The following MYO16 variants were observed in gnomAD, a reference collection of about 807,000 sequenced individuals.
MYO16 encodes myosin XVI, also known as unconventional myosin-XVI.
MYO16 carries 94 observed loss-of-function variants against 205.3 expected under a neutral mutation model. That is an observed-to-expected ratio of 0.46 (90% CI 0.39 to 0.54). MYO16 has a LOEUF of 0.54. Among genes scored for constraint, MYO16 ranks in the 20% least tolerant of loss-of-function variants. The probability of loss-of-function intolerance (pLI) is 0.00; values close to 1 mark genes in which losing one functional copy is unlikely to be tolerated. For synonymous variants in MYO16, 988 were observed against 954.0 expected (o/e 1.04, Z -0.66); for missense variants, 2,315 against 2,387.5 (o/e 0.97, Z 0.63).
chr13:108,882,597 T>C (rs1431127667), intron 12 of MYO16, among the ~76,000 whole-genome samples: 1 of 152,212 alleles, frequency 6.6e-6, no homozygotes, highest in Non-Finnish European at 1.5e-5. Flanking sequence ...TCTCTAAAAT[T>C]AATTAATTTT....
chr13:109,052,481 A>G lies in MYO16; in HGVS notation c.3048+6A>G. The G allele has an allele frequency of 6.4e-7, 1 of 1,563,638 alleles. No individual in the cohort carries two copies. On this transcript the variant is annotated splice_donor_region_variant and intron_variant, in intron 25 of 34. Coordinates refer to ENST00000457511, the MANE Select transcript of MYO16 (RefSeq NM_001198950.3). Reference sequence around the variant, plus strand: ...ATTATCTAGAACTTAGTAAGGTAGGAGTTTTTATGATTATTGTTGGATTAT... The same window carrying G: ...ATTATCTAGAACTTAGTAAGGTAGGGGTTTTTATGATTATTGTTGGATTAT...
intron 20 of MYO16, among the ~76,000 whole-genome samples, chr13:108,967,015 C>T (rs533343072): frequency 6.6e-6 from 1 of 151,926 alleles, no homozygotes; most frequent in South Asian, 2.1e-4. Flanking sequence ...ATAGAATAGA[C>T]ATATTTTTCA....
At chr13:108,937,883 G>A (rs890193147) in intron 16 of MYO16, among the ~76,000 whole-genome samples, 1 of 152,070 alleles carries the variant, frequency 6.6e-6, no homozygotes, top group African/African-American at 2.4e-5. Flanking sequence ...TGTCATTTCT[G>A]ACTTTCCATT....
At chr13:108,843,024 C>T (rs1877327336) in intron 9 of MYO16, among the ~76,000 whole-genome samples, 1 of 151,976 alleles carries the variant, frequency 6.6e-6, no homozygotes, top group Non-Finnish European at 1.5e-5. Context: ...CATGATCTTG[C>T]TTATGTGTGG....
At chr13:108,496,649 A>G in the MYO16 span, among the ~76,000 whole-genome samples, 1 of 152,206 alleles carries the variant, frequency 6.6e-6, no homozygotes, top group Non-Finnish European at 1.5e-5. Flanking sequence ...TACGCCCCCG[A>G]AAGGAAATGG....
chr13:108,616,891 C>T (rs763331066), intron 1 of MYO16, among the ~76,000 whole-genome samples: 8 of 152,094 alleles, frequency 5.3e-5, no homozygotes, highest in Non-Finnish European at 7.4e-5. Context: ...AAGTGATCTG[C>T]TTGAAATTTC....
chr13:109,101,143 G>T (rs1458525859), intron 28 of MYO16: 2 of 383,242 alleles, frequency 5.2e-6, no homozygotes, highest in African/African-American at 2.0e-5. Context: ...GCCCCATTCT[G>T]TTTGCCCGTG....
chr13:109,021,314 G>T (rs1044316266), intron 23 of MYO16, among the ~76,000 whole-genome samples: 3 of 152,140 alleles, frequency 2.0e-5, no homozygotes, highest in Admixed American at 2.0e-4. Context: ...GAAGCCTCTA[G>T]CCAAATTAAG....
chr13:108,765,449 A>C (rs1157187626), intron 4 of MYO16, among the ~76,000 whole-genome samples: 4 of 152,306 alleles, frequency 2.6e-5, no homozygotes, highest in African/African-American at 7.2e-5. Flanking sequence ...TTGTTGGAAA[A>C]TAACAATATT....
At chr13:108,896,090 T>G (rs542453610) in intron 14 of MYO16, among the ~76,000 whole-genome samples, 2 of 152,318 alleles carry the variant, frequency 1.3e-5, no homozygotes, top group Non-Finnish European at 2.9e-5. Flanking sequence ...ACCATTTCCC[T>G]ATATTGACTG....
At chr13:108,571,471 G>T in the MYO16 span, among the ~76,000 whole-genome samples, 1 of 152,086 alleles carries the variant, frequency 6.6e-6, no homozygotes, top group Non-Finnish European at 1.5e-5. Flanking sequence ...GTATTGCAGA[G>T]AATTCTAATG....
At position 108,828,389 on chromosome 13, in the gene MYO16, C is replaced by T. The variant is rs191576477; in HGVS notation, c.1097+5111C>T. On this transcript the variant is annotated intron_variant, in intron 9 of 34. Transcript: ENST00000457511. ...CACTATCCAGTTTCAGATCCTGGCTCTGCCATTTACTGGCTCTATGACCTT... is the reference window on the plus strand; with the variant it reads ...CACTATCCAGTTTCAGATCCTGGCTTTGCCATTTACTGGCTCTATGACCTT... Among the ~76,000 whole-genome samples the T allele has an allele frequency of 4.4e-3, 668 of 152,300 alleles. 3 individuals carry two copies. The highest frequency in any genetic ancestry group is 7.1e-3 in the Non-Finnish European group (480 of 68,030).
At chr13:108,624,923 T>C (rs144928452), upstream of MYO16, among the ~76,000 whole-genome samples, 367 of 152,184 alleles carry the variant, frequency 2.4e-3, 1 homozygote, top group African/African-American at 7.7e-3. Flanking sequence ...TTTGAAGCAG[T>C]TTTTAAAATT....
At chr13:109,010,242 T>C (rs903809383) in intron 22 of MYO16, among the ~76,000 whole-genome samples, 2 of 152,168 alleles carry the variant, frequency 1.3e-5, no homozygotes, top group African/African-American at 4.8e-5. Context: ...ACTAAAGGAA[T>C]TGGAGGTCAT....
At chr13:108,656,580 G>A (rs1881255240) in intron 1 of MYO16, among the ~76,000 whole-genome samples, 1 of 150,496 alleles carries the variant, frequency 6.6e-6, no homozygotes, top group African/African-American at 2.5e-5. Context: ...AAAATATAAG[G>A]AGAAGTGATT....
chr13:109,078,206 A>G (rs1888172546), intron 27 of MYO16, among the ~76,000 whole-genome samples: 1 of 151,622 alleles, frequency 6.6e-6, no homozygotes, highest in Non-Finnish European at 1.5e-5. Flanking sequence ...AGGGCAGGCA[A>G]ATTGCCTGAG....
chr13:108,648,799 A>G (rs1207608834), intron 1 of MYO16, among the ~76,000 whole-genome samples: 2 of 152,260 alleles, frequency 1.3e-5, no homozygotes, highest in East Asian at 3.9e-4. Context: ...ATTGGCTTTT[A>G]TATTTGGAAA....
intron 4 of MYO16, among the ~76,000 whole-genome samples, chr13:108,784,386 A>G (rs1886396394): frequency 1.3e-5 from 2 of 152,234 alleles, no homozygotes; most frequent in African/African-American, 2.4e-5. Context: ...ATATCTTTAC[A>G]TGGTTATAGA....
intron 2 of MYO16, among the ~76,000 whole-genome samples, chr13:108,684,397 A>G (rs1367858832): frequency 6.6e-6 from 1 of 152,252 alleles, no homozygotes; most frequent in Non-Finnish European, 1.5e-5. Context: ...GGGCAACACC[A>G]GCAAGAGGAA....
Sources: gnomAD v4.1 joint callset for allele counts (sites outside exome capture counted in the v4.1 genomes callset) on GRCh38, gnomAD v4.1.1 for gene constraint, MANE v1.5 for transcripts, NCBI Gene and HGNC (gene_info 2026-07-23, HGNC 2026-07-21) for gene names.